The following CHL1 variants were observed in gnomAD, a reference collection of about 807,000 sequenced individuals.
CHL1 encodes the protein cell adhesion molecule L1 like.
A neutral mutation model predicts 141.9 loss-of-function variants in CHL1; 96 were observed. The ratio of observed to expected loss-of-function variants is 0.68; its 90% CI spans 0.57 to 0.80. The LOEUF (loss-of-function observed/expected upper bound fraction) is 0.80, where lower values mean the gene tolerates loss of function less well. Among genes scored for constraint, CHL1 ranks in the 30% least tolerant of loss-of-function variants. CHL1 has a pLI of 0.00. For missense variants in CHL1, 1,820 were observed against 1,457.2 expected, an observed-to-expected ratio of 1.25 and a Z score of -4.05; for synonymous variants, 613 against 502.2, an observed-to-expected ratio of 1.22 and a Z score of -2.95.
At chr3:377,729 C>T (rs1485597876) in intron 15 of CHL1, 89 bp from the exon 16 acceptor site, 19 of 1,143,032 alleles carry the variant, frequency 1.7e-5, no homozygotes, top group Middle Eastern at 2.2e-4. Flanking sequence ...AGATTGTTTT[C>T]GATAAGGAAT....
chr3:227,285 A>G, intron 1 of CHL1, among the ~76,000 whole-genome samples: 1 of 152,216 alleles, frequency 6.6e-6, no homozygotes, highest in South Asian at 2.1e-4. Flanking sequence ...ACAAAAAATG[A>G]TATCTTATTC....
At chr3:376,282 T>C (rs1416153309) in intron 15 of CHL1, 2 of 449,834 alleles carry the variant, frequency 4.4e-6, no homozygotes, top group Non-Finnish European at 8.8e-6. Flanking sequence ...TGTGTGACCC[T>C]ATGTGTGACA....
At chr3:245,691 A>G (rs952617977) in intron 2 of CHL1, among the ~76,000 whole-genome samples, 1 of 152,152 alleles carries the variant, frequency 6.6e-6, no homozygotes, top group Non-Finnish European at 1.5e-5. Flanking sequence ...CCTTAATACA[A>G]ATATAAAATA....
intron 2 of CHL1, among the ~76,000 whole-genome samples, chr3:260,305 C>T (rs540685296): frequency 5.4e-5 from 8 of 148,984 alleles, no homozygotes; most frequent in Non-Finnish European, 1.2e-4. Context: ...CAAAAAATGG[C>T]CATCTTCCTT....
chr3:209,760 G>A (rs1375200183), intron 1 of CHL1, among the ~76,000 whole-genome samples: 1 of 152,136 alleles, frequency 6.6e-6, no homozygotes, highest in African/African-American at 2.4e-5. Context: ...CCCACCCTGT[G>A]TCCAAGTGTT....
At chr3:256,852 C>G (rs1217785308) in intron 2 of CHL1, among the ~76,000 whole-genome samples, 1 of 152,140 alleles carries the variant, frequency 6.6e-6, no homozygotes, top group Non-Finnish European at 1.5e-5. Context: ...TGATTTGAAT[C>G]AGACAACATT....
rs183731839 is a variant in CHL1, at chr3:274,019, G to T, written c.-95+29327G>T. Among the ~76,000 whole-genome samples the T allele has an allele frequency of 6.4e-4, 98 of 152,274 alleles. No homozygotes were observed. In the East Asian group the frequency reaches 0.018, roughly 27 times the overall value. On this transcript the variant is annotated intron_variant, in intron 2 of 27. Coordinates refer to ENST00000256509, the MANE Select transcript of CHL1 (RefSeq NM_006614.4). ...ATGAAATAGACTCAGCAGCAGGGAG[G>T]CTCCTCTCTGACCAAATCCCTTCTC...
chr3:393,211 C>T (rs377293386), intron 23 of CHL1, among the ~76,000 whole-genome samples: 3 of 139,776 alleles, frequency 2.1e-5, no homozygotes, highest in East Asian at 2.1e-4. Context: ...CCAGCCTGGG[C>T]GACAGAGCCA....
At chr3:338,771 T>C (rs1432215198) in intron 5 of CHL1, among the ~76,000 whole-genome samples, 2 of 152,214 alleles carry the variant, frequency 1.3e-5, no homozygotes, top group African/African-American at 4.8e-5. Flanking sequence ...TTCTTTTTTA[T>C]TGTTGGTGCC....
intron 2 of CHL1, chr3:246,986 C>G (rs189957906): frequency 1.3e-5 from 2 of 152,086 alleles, no homozygotes; most frequent in Non-Finnish European, 2.9e-5. Context: ...GTACTTATCT[C>G]TACACACTGC....
intron 1 of CHL1, among the ~76,000 whole-genome samples, chr3:221,205 C>A (rs1700811523): frequency 6.6e-6 from 1 of 152,222 alleles, no homozygotes; most frequent in South Asian, 2.1e-4. Context: ...TGTAGCCCGA[C>A]CACCTTGGGC....
chr3:399,469 G>A (rs1044042469), intron 26 of CHL1, among the ~76,000 whole-genome samples: 15 of 151,992 alleles, frequency 9.9e-5, no homozygotes, highest in South Asian at 6.2e-4. Flanking sequence ...ATGAAACCCC[G>A]TCTCTACTAA....
intron 1 of CHL1, among the ~76,000 whole-genome samples, chr3:242,591 A>G (rs755120104): frequency 1.6e-4 from 21 of 129,708 alleles, no homozygotes; most frequent in Non-Finnish European, 2.7e-4. Context: ...GTGGGACTCC[A>G]TCTCAAAATA....
intron 27 of CHL1, among the ~76,000 whole-genome samples, chr3:402,534 A>C (rs1011212015): frequency 6.6e-6 from 1 of 152,084 alleles, no homozygotes; most frequent in African/African-American, 2.4e-5. Flanking sequence ...CCAGGTTTGT[A>C]TTGATTTTAG....
intron 1 of CHL1, among the ~76,000 whole-genome samples, chr3:241,012 A>G (rs1039569896): frequency 3.9e-5 from 6 of 152,114 alleles, no homozygotes; most frequent in Admixed American, 3.9e-4. Context: ...TTATCCAAAG[A>G]GTATATATTA....
At chr3:291,527 T>A (rs544268485) in intron 2 of CHL1, among the ~76,000 whole-genome samples, 1 of 152,074 alleles carries the variant, frequency 6.6e-6, no homozygotes, top group African/African-American at 2.4e-5. Flanking sequence ...CTGGCCTTAC[T>A]TGGCTTTCCA....
intron 2 of CHL1, among the ~76,000 whole-genome samples, chr3:261,943 A>T (rs1449836343): frequency 6.6e-6 from 1 of 150,950 alleles, no homozygotes; most frequent in East Asian, 2.0e-4. Flanking sequence ...TCTACACAGT[A>T]CTCACAGGGC....
intron 1 of CHL1, among the ~76,000 whole-genome samples, chr3:221,852 C>T (rs1054714447): frequency 1.3e-5 from 2 of 152,180 alleles, no homozygotes; most frequent in African/African-American, 4.8e-5. Context: ...ACTTTATTGA[C>T]TCAATTTATA....
chr3:257,400 C>T (rs1012585324), intron 2 of CHL1, among the ~76,000 whole-genome samples: 9 of 147,256 alleles, frequency 6.1e-5, no homozygotes, highest in South Asian at 2.1e-4. Context: ...GTAGTCCAGG[C>T]TGGAGTGCAG....
Sources: gnomAD v4.1 joint callset for allele counts (sites outside exome capture counted in the v4.1 genomes callset) on GRCh38, gnomAD v4.1.1 for gene constraint, MANE v1.5 for transcripts, NCBI Gene and HGNC (gene_info 2026-07-23, HGNC 2026-07-21) for gene names.